The following XDH variants were observed in gnomAD, a reference collection of about 807,000 sequenced individuals.
The protein encoded by XDH is xanthine dehydrogenase/oxidase.
In XDH, 138 loss-of-function variants were observed where a neutral mutation model predicts 156.1. The observed-to-expected ratio is 0.88, with a 90% CI of 0.77 to 1.02. The LOEUF is 1.02. Ranked by LOEUF, XDH falls within the 50% of genes least tolerant of loss-of-function variation. The pLI, the probability that XDH is intolerant of heterozygous loss-of-function variation, is 0.00. For missense variants in XDH, 1,849 were observed against 1,684.9 expected (o/e 1.10, Z -1.71); for synonymous variants, 669 against 625.7 (o/e 1.07, Z -1.03).
chr2:31,389,604 C>T (rs372852775), intron 6 of XDH: 1 of 152,214 alleles, frequency 6.6e-6, no homozygotes, highest in South Asian at 2.1e-4. Flanking sequence ...ACCTGGCCCT[C>T]TGAGGAAGGA....
chr2:31,403,656 A>G (rs1432104489), intron 2 of XDH, among the ~76,000 whole-genome samples: 1 of 152,212 alleles, frequency 6.6e-6, no homozygotes, highest in Non-Finnish European at 1.5e-5. Context: ...GGGCTAGACC[A>G]GAGGCTTTTG....
chr2:31,378,006 G>A (rs2148776829), intron 13 of XDH, among the ~76,000 whole-genome samples: 1 of 149,484 alleles, frequency 6.7e-6, no homozygotes, highest in Non-Finnish European at 1.5e-5. Context: ...GGGCCAGCAG[G>A]CAGAGTGAGA....
chr2:31,372,014 A>G (rs1277426704), intron 17 of XDH, among the ~76,000 whole-genome samples: 2 of 152,250 alleles, frequency 1.3e-5, no homozygotes, highest in Non-Finnish European at 2.9e-5. Context: ...GGCAAGTAAC[A>G]TACCCTGCTT....
At chr2:31,393,165 G>A (rs75968466) in intron 6 of XDH, among the ~76,000 whole-genome samples, 98 of 152,292 alleles carry the variant, frequency 6.4e-4, no homozygotes, top group African/African-American at 2.0e-3. Context: ...TGATGGTGCC[G>A]TTGAGTCCAA....
intron 24 of XDH, among the ~76,000 whole-genome samples, chr2:31,352,026 G>A (rs899959882): frequency 1.3e-5 from 2 of 152,154 alleles, no homozygotes; most frequent in Non-Finnish European, 2.9e-5. Flanking sequence ...TAATCCCAAA[G>A]TGTATGCCCA....
At chr2:31,345,034 C>T (rs772093181) in intron 30 of XDH, among the ~76,000 whole-genome samples, 2 of 152,188 alleles carry the variant, frequency 1.3e-5, no homozygotes, top group South Asian at 4.1e-4. Context: ...CTACCCTACT[C>T]TAGAGCTTTC....
chr2:31,367,858 G>T, intron 20 of XDH, 103 bp downstream of exon 20: 1 of 1,120,516 alleles, frequency 8.9e-7, no homozygotes, highest in Non-Finnish European at 1.4e-6. Context: ...GTCAGGAAAT[G>T]TCCAGAAATC....
intron 6 of XDH, among the ~76,000 whole-genome samples, chr2:31,396,592 A>G (rs555922688): frequency 4.0e-4 from 61 of 152,288 alleles, no homozygotes; most frequent in Non-Finnish European, 7.2e-4. Flanking sequence ...TCACCATTTT[A>G]TTAGGTTGGT....
intron 1 of XDH, among the ~76,000 whole-genome samples, chr2:31,414,038 G>T (rs534611293): frequency 1.3e-5 from 2 of 152,000 alleles, no homozygotes; most frequent in Non-Finnish European, 2.9e-5. Context: ...GGTGGGGAGT[G>T]GGGGGAATGC....
intron 13 of XDH, 30 bp downstream of exon 13, chr2:31,379,837 C>A: frequency 6.2e-7 from 1 of 1,606,380 alleles, no homozygotes; most frequent in Non-Finnish European, 8.5e-7. Flanking sequence ...CTTATTTGAG[C>A]AGAGCCTGGA....
chr2:31,368,488 C>T (rs1685980666), intron 19 of XDH, 53 bp downstream of exon 19: 2 of 1,608,638 alleles, frequency 1.2e-6, no homozygotes, highest in East Asian at 2.2e-5. Flanking sequence ...AATACATGCA[C>T]ATCCAGGGAC....
rs2148748516 is a variant in XDH at position 31,339,588 on chromosome 2, A to C, written c.3675T>G (p.Pro1225=). 2 of 1,614,186 alleles carry C rather than the reference A, an allele frequency of 1.2e-6. No homozygotes were observed. Among genetic ancestry groups the C allele is most frequent in the East Asian group, 4.5e-5 (2 of 44,862 alleles). ...CAAATGCCGGGATCTTGTAGGTGCT[A>C]GGGCCACGGGTGTGCAGGCTCCCCT... The part of the protein sequence containing the change: ...SPEGSLHTRG[P]STYKIPAFGS... The change falls in exon 34 of 36, where the codon CCT becomes CCG. Residue 1225 remains proline (P), a synonymous_variant. Coordinates refer to ENST00000379416, the MANE Select transcript of XDH (RefSeq NM_000379.4).
chr2:31,342,059 C>T (rs1385620090), intron 32 of XDH, 124 bp downstream of exon 32: 6 of 878,864 alleles, frequency 6.8e-6, no homozygotes, highest in East Asian at 2.6e-5. Flanking sequence ...GGATGTTTGC[C>T]TATCCTTAAT....
intron 1 of XDH, among the ~76,000 whole-genome samples, chr2:31,413,871 C>T (rs1405605137): frequency 6.6e-6 from 1 of 152,114 alleles, no homozygotes; most frequent in African/African-American, 2.4e-5. Context: ...AATATGCTTG[C>T]CCCCTCTCTC....
chr2:31,402,386 G>A (rs780499040), intron 3 of XDH, among the ~76,000 whole-genome samples: 1 of 152,082 alleles, frequency 6.6e-6, no homozygotes, highest in Non-Finnish European at 1.5e-5. Flanking sequence ...TTGAGCTCAT[G>A]AACTGTTGTT....
rs1465999472 is a variant in XDH, at chr2:31,405,963, A to C, written c.44T>G (p.Val15Gly). The part of the protein sequence containing the change: ...KLVFFVNGRK[V>G]VEKNADPETT... Reference sequence around the variant, plus strand: ...CTCTGGATCTGCATTTTTCTCCACCACCTATTAAAATAAATGAAAGAAAAA... The same window carrying C: ...CTCTGGATCTGCATTTTTCTCCACCCCCTATTAAAATAAATGAAAGAAAAA... The change falls in exon 2 of 36, where the codon GTG becomes GGG. Residue 15 changes from valine (V) to glycine (G), a missense_variant and splice_region_variant. Coordinates refer to ENST00000379416, the MANE Select transcript of XDH (RefSeq NM_000379.4). 6 of 1,613,988 alleles carry C rather than the reference A, an allele frequency of 3.7e-6. No homozygotes were observed. The highest frequency in any genetic ancestry group is 5.1e-6 in the Non-Finnish European group (6 of 1,180,002).
chr2:31,386,617 A>G, intron 8 of XDH, 62 bp from the exon 9 acceptor site: 8 of 1,610,268 alleles, frequency 5.0e-6, no homozygotes, highest in Admixed American at 1.7e-5. Flanking sequence ...CCTCTTATAA[A>G]TTGCTTTAAG....
intron 3 of XDH, among the ~76,000 whole-genome samples, chr2:31,401,837 C>T (rs1053847648): frequency 3.9e-5 from 6 of 152,188 alleles, no homozygotes; most frequent in African/African-American, 1.4e-4. Context: ...GCTAGAACTT[C>T]CTTGCATTCT....
intron 11 of XDH, 144 bp downstream of exon 11, chr2:31,382,857 A>G: frequency 8.2e-7 from 1 of 1,223,484 alleles, no homozygotes; most frequent in Non-Finnish European, 1.2e-6. Flanking sequence ...AGGAATCTGC[A>G]CTTTAACAAG....
Sources: gnomAD v4.1 joint callset for allele counts (sites outside exome capture counted in the v4.1 genomes callset) on GRCh38, gnomAD v4.1.1 for gene constraint, MANE v1.5 for transcripts, NCBI Gene and HGNC (gene_info 2026-07-23, HGNC 2026-07-21) for gene names.